Variants in FOXP1 observed in about 807,000 individuals in gnomAD.
FOXP1 encodes the protein forkhead box P1, also known as forkhead box protein P1.
A neutral mutation model predicts 98.2 loss-of-function variants in FOXP1; 15 were observed. The ratio of observed to expected loss-of-function variants is 0.15; its 90% confidence interval spans 0.10 to 0.24. The LOEUF is 0.24. FOXP1 is among the 10% of genes least tolerant of loss of function. FOXP1 has a pLI of 1.00. For missense variants in FOXP1, 633 were observed against 848.5 expected, an observed-to-expected ratio of 0.75 and a Z score of 3.15; for synonymous variants, 371 against 314.5, an observed-to-expected ratio of 1.18 and a Z score of -1.90.
intron 3 of FOXP1, among the ~76,000 whole-genome samples, chr3:71,421,053 A>G (rs1311302484): frequency 1.3e-5 from 2 of 152,164 alleles, no homozygotes; most frequent in African/African-American, 4.8e-5. Context: ...ACCCTAGGAT[A>G]GCGTTGAGAT....
rs2031480046 is a variant in FOXP1 at position 70,955,203 on chromosome 3, T to C, written c.*4044A>G. The C allele has an allele frequency of 4.3e-6, 1 of 230,600 alleles. No homozygotes were observed. Among genetic ancestry groups the C allele is most frequent in the Admixed American group, 5.6e-5 (1 of 17,702 alleles). 14.3% of individuals were successfully genotyped at this position (230,600 alleles called of 1,614,324 possible). On this transcript the variant is annotated 3_prime_UTR_variant, in exon 21 of 21. Coordinates refer to ENST00000649528, the MANE Select transcript of FOXP1 (RefSeq NM_001349338.3). Reference sequence around the variant, plus strand: ...GCTGGAATATGGAAAAGAGAGGAAATATTTTTTAACTCTATTTTTTTTCAT... The same window carrying C: ...GCTGGAATATGGAAAAGAGAGGAAACATTTTTTAACTCTATTTTTTTTCAT...
chr3:71,168,126 C>T (rs577430928), intron 6 of FOXP1, among the ~76,000 whole-genome samples: 8 of 152,228 alleles, frequency 5.3e-5, no homozygotes, highest in South Asian at 2.1e-4. Flanking sequence ...ATAGGAATGA[C>T]GTTAAAATTG....
At chr3:71,351,602 C>T (rs2077784303) in intron 4 of FOXP1, among the ~76,000 whole-genome samples, 1 of 152,160 alleles carries the variant, frequency 6.6e-6, no homozygotes, top group Admixed American at 6.5e-5. Flanking sequence ...CCAATGTTAC[C>T]TTTCAGTACC....
chr3:71,155,359 C>T (rs1003036619), intron 6 of FOXP1, among the ~76,000 whole-genome samples: 50 of 152,160 alleles, frequency 3.3e-4, no homozygotes, highest in Non-Finnish European at 1.2e-4. Context: ...AGTAGCTGCA[C>T]TTAAAAATGG....
upstream of FOXP1, chr3:71,583,829 G>A (rs956454726): frequency 6.1e-6 from 6 of 987,772 alleles, no homozygotes; most frequent in Admixed American, 6.2e-5. Context: ...CGGCGGCAGA[G>A]GCGCGGGCAG....
chr3:71,094,246 T>C (rs1246617622), intron 7 of FOXP1, among the ~76,000 whole-genome samples: 2 of 151,902 alleles, frequency 1.3e-5, no homozygotes, highest in Admixed American at 6.6e-5. Flanking sequence ...CACTGAAATC[T>C]GAATTTCATA....
chr3:71,320,720 G>T (rs902200468), intron 4 of FOXP1, among the ~76,000 whole-genome samples: 1 of 152,170 alleles, frequency 6.6e-6, no homozygotes, highest in Non-Finnish European at 1.5e-5. Context: ...AAAAGCTGAT[G>T]AATTTCAGTA....
intron 3 of FOXP1, among the ~76,000 whole-genome samples, chr3:71,458,134 G>A (rs528189384): frequency 2.0e-4 from 30 of 152,260 alleles, no homozygotes; most frequent in African/African-American, 7.2e-4. Flanking sequence ...CTATCTCATT[G>A]ATACAAGATT....
At chr3:71,059,718 C>A (rs897274570) in intron 7 of FOXP1, among the ~76,000 whole-genome samples, 3 of 152,036 alleles carry the variant, frequency 2.0e-5, no homozygotes, top group African/African-American at 7.2e-5. Context: ...TTTATATTAA[C>A]AACAACAACA....
At chr3:71,135,255 C>CAAAAA (rs11285510) in intron 6 of FOXP1, among the ~76,000 whole-genome samples, 1 of 76,342 alleles carries the variant, frequency 1.3e-5, no homozygotes, top group African/African-American at 5.2e-5. Flanking sequence ...GCCTCCGTCT[C>CAAAAA]AAAAAAAAAA....
intron 7 of FOXP1, among the ~76,000 whole-genome samples, chr3:71,084,831 G>T (rs1176415891): frequency 6.6e-6 from 1 of 152,110 alleles, no homozygotes; most frequent in Non-Finnish European, 1.5e-5. Context: ...CCAGGAGTTC[G>T]AGGCCAGCCT....
intron 2 of FOXP1, among the ~76,000 whole-genome samples, chr3:71,579,632 C>CTTTTTTTTTTTTTTT (rs35646548): frequency 1.5e-4 from 19 of 123,000 alleles, no homozygotes; most frequent in East Asian, 4.6e-4. Flanking sequence ...TTTCTTTTTT[C>CTTTTTTTTTTTTTTT]TTTTTTTTTT....
intron 5 of FOXP1, among the ~76,000 whole-genome samples, chr3:71,239,963 A>G (rs982321949): frequency 6.6e-6 from 1 of 152,242 alleles, no homozygotes; most frequent in African/African-American, 2.4e-5. Context: ...CCTATCAGAG[A>G]ACTGCTGGGG....
Position 71,198,225 on chromosome 3 carries a change from G to C in FOXP1, c.157C>G (p.His53Asp). ...AVDIGAADLA[H>D]AQQQQQQALQ... ...ACCTGTTGCTGCTGCTGCTGGGCGT[G>C]GGCGAGGTCAGCTGCCCCGATGTCC... The change falls in exon 6 of 21, where the codon CAC becomes GAC. Residue 53 changes from histidine (H) to aspartate (D), a missense_variant. Physicochemically the swap from His to Asp is moderately conservative, Grantham distance 81. Around this residue, in one of 6 missense-constraint regions of FOXP1, gnomAD observed 103 missense variants for 85.5 expected, o/e 1.20. Coordinates refer to ENST00000649528, the MANE Select transcript of FOXP1 (RefSeq NM_001349338.3). 6.2e-7 allele frequency: 1 copy of C among 1,614,094 alleles called. No individual in the cohort carries two copies. The highest frequency in any genetic ancestry group is 2.2e-5 in the East Asian group (1 of 44,886).
At chr3:71,020,698 C>T (rs972858003) in intron 11 of FOXP1, among the ~76,000 whole-genome samples, 1 of 152,194 alleles carries the variant, frequency 6.6e-6, no homozygotes, top group Non-Finnish European at 1.5e-5. Flanking sequence ...TGCCAGTTTT[C>T]CCTTCACCTG....
At chr3:71,159,965 C>A (rs1003886271) in intron 6 of FOXP1, among the ~76,000 whole-genome samples, 1 of 152,192 alleles carries the variant, frequency 6.6e-6, no homozygotes, top group Non-Finnish European at 1.5e-5. Flanking sequence ...AAGTGTAGAA[C>A]TGTCATGCAC....
chr3:71,234,297 A>G (rs1187407639), intron 5 of FOXP1, among the ~76,000 whole-genome samples: 1 of 152,224 alleles, frequency 6.6e-6, no homozygotes, highest in African/African-American at 2.4e-5. Flanking sequence ...CTAACCATTC[A>G]TTATATTCCA....
chr3:71,009,007 G>T (rs1186087130), intron 12 of FOXP1, among the ~76,000 whole-genome samples: 6 of 151,922 alleles, frequency 3.9e-5, no homozygotes, highest in Admixed American at 2.0e-4. Context: ...AACAGTTACA[G>T]CTTATTAATC....
intron 2 of FOXP1, among the ~76,000 whole-genome samples, chr3:71,514,541 C>T (rs922402194): frequency 2.0e-5 from 3 of 152,226 alleles, no homozygotes; most frequent in South Asian, 2.1e-4. Flanking sequence ...GGAACAGTGT[C>T]ATGTACAAAA....
Sources: allele counts gnomAD v4.1 joint callset (sites outside exome capture counted in the v4.1 genomes callset), GRCh38; gene constraint gnomAD v4.1.1; regional missense constraint gnomAD v4.1.1; transcripts MANE v1.5; gene names NCBI Gene and HGNC (gene_info 2026-07-23, HGNC 2026-07-21).